Variants in SLC24A3 observed in about 807,000 individuals in gnomAD.
SLC24A3 encodes the protein solute carrier family 24 member 3.
A neutral mutation model predicts 75.8 loss-of-function variants in SLC24A3; 28 were observed. The observed-to-expected ratio is 0.37, with a 90% CI of 0.27 to 0.51. The LOEUF is 0.51. Ranked by LOEUF, SLC24A3 falls within the 20% of genes least tolerant of loss-of-function variation. SLC24A3 has a pLI of 0.94. For missense variants in SLC24A3, 663 were observed against 847.8 expected, an observed-to-expected ratio of 0.78 and a Z score of 2.71; for synonymous variants, 372 against 334.1, an observed-to-expected ratio of 1.11 and a Z score of -1.24.
intron 2 of SLC24A3, among the ~76,000 whole-genome samples, chr20:19,283,962 C>T (rs937819933): frequency 6.6e-6 from 1 of 152,194 alleles, no homozygotes; most frequent in Non-Finnish European, 1.5e-5. Context: ...GCAGGTAGCT[C>T]AGGTCTAAAC....
intron 2 of SLC24A3, among the ~76,000 whole-genome samples, chr20:19,497,372 C>A (rs1456565250): frequency 6.6e-6 from 1 of 152,166 alleles, no homozygotes. Flanking sequence ...CAGTGAGGAG[C>A]AGAATCCCAG....
intron 2 of SLC24A3, among the ~76,000 whole-genome samples, chr20:19,409,774 T>TA (rs983310733): frequency 6.6e-6 from 1 of 151,896 alleles, no homozygotes; most frequent in Non-Finnish European, 1.5e-5. Context: ...AAATTATACA[T>TA]AAAAAACTAT....
At chr20:19,379,987 C>G (rs1016306177) in intron 2 of SLC24A3, among the ~76,000 whole-genome samples, 5 of 152,166 alleles carry the variant, frequency 3.3e-5, no homozygotes, top group Non-Finnish European at 7.3e-5. Flanking sequence ...ATGGCAAATA[C>G]CCTACTTGGT....
chr20:19,503,147 C>T (rs6112422), intron 2 of SLC24A3, among the ~76,000 whole-genome samples: 1 of 151,944 alleles, frequency 6.6e-6, no homozygotes, highest in Non-Finnish European at 1.5e-5. Flanking sequence ...GCACAGTGCC[C>T]TTCCTAAGAT....
intron 1 of SLC24A3, among the ~76,000 whole-genome samples, chr20:19,263,371 A>AG (rs1983057611): frequency 6.6e-6 from 1 of 152,168 alleles, no homozygotes; most frequent in Non-Finnish European, 1.5e-5. Flanking sequence ...CTTGTTTTCA[A>AG]GGGGGGACGT....
intron 2 of SLC24A3, among the ~76,000 whole-genome samples, chr20:19,326,218 C>T (rs1600430920): frequency 1.3e-5 from 2 of 151,946 alleles, no homozygotes; most frequent in South Asian, 2.1e-4. Flanking sequence ...CCCCCATTAC[C>T]GAGATGTGGG....
chr20:19,678,018 TG>T lies in SLC24A3; in HGVS notation c.768-3834del, dbSNP rs369718518. Among the ~76,000 whole-genome samples the T allele has an allele frequency of 4.6e-4, 70 of 151,556 alleles. No homozygotes were observed. The East Asian group carries it at 6.6e-3, about 14-fold the overall frequency. On this transcript the variant is annotated intron_variant, in intron 9 of 16. Coordinates refer to ENST00000328041, the MANE Select transcript of SLC24A3 (RefSeq NM_020689.4). ...GCACATGTTTCAGAGAGCACAGGGT[TG>T]GGGGGTAAGGTCACAGATCAACAGG... is the stretch of plus-strand genomic sequence containing the variant.
At chr20:19,675,788 A>G (rs1568693606) in intron 9 of SLC24A3, among the ~76,000 whole-genome samples, 1 of 152,306 alleles carries the variant, frequency 6.6e-6, no homozygotes, top group East Asian at 1.9e-4. Context: ...CCAGCCCCCA[A>G]AGGAAAAGCC....
chr20:19,717,308 G>A (rs1227350129), intron 15 of SLC24A3, among the ~76,000 whole-genome samples: 1 of 152,214 alleles, frequency 6.6e-6, no homozygotes, highest in Admixed American at 6.5e-5. Flanking sequence ...GGATGGGACT[G>A]AGAGTGGACA....
At chr20:19,318,666 A>G (rs1984636989) in intron 2 of SLC24A3, among the ~76,000 whole-genome samples, 1 of 152,020 alleles carries the variant, frequency 6.6e-6, no homozygotes, top group Non-Finnish European at 1.5e-5. Flanking sequence ...CCACAGGTAG[A>G]AGGGTAGGTG....
At chr20:19,444,541 T>A (rs1221911087) in intron 2 of SLC24A3, among the ~76,000 whole-genome samples, 1 of 152,174 alleles carries the variant, frequency 6.6e-6, no homozygotes, top group Non-Finnish European at 1.5e-5. Flanking sequence ...TTCTCCTTAT[T>A]TGAATTTGGT....
In SLC24A3 at chr20:19,479,019, C is replaced by G. The variant is rs144230627; in HGVS notation, c.272-36469C>G. Among the ~76,000 whole-genome samples, 360 of 152,364 alleles carry G rather than the reference C, an allele frequency of 2.4e-3. 1 individual carries two copies. The highest frequency in any genetic ancestry group is 8.2e-3 in the African/African-American group (342 of 41,588). The stretch of plus-strand genomic sequence containing the variant: ...TTTCTCTTTCCTCCTCCACAGAAAG[C>G]TGCTCTGCTGTCCCTTAGCATGTAG... On this transcript the variant is annotated intron_variant, in intron 2 of 16. Coordinates refer to ENST00000328041, the MANE Select transcript of SLC24A3 (RefSeq NM_020689.4).
At chr20:19,678,987 C>T (rs1408962247) in intron 9 of SLC24A3, among the ~76,000 whole-genome samples, 3 of 151,588 alleles carry the variant, frequency 2.0e-5, no homozygotes, top group African/African-American at 7.3e-5. Context: ...GATGGGATGG[C>T]GGCCGGGCAG....
chr20:19,427,416 G>GGAAC, intron 2 of SLC24A3, among the ~76,000 whole-genome samples: 1 of 152,114 alleles, frequency 6.6e-6, no homozygotes, highest in African/African-American at 2.4e-5. Context: ...GAGGCATCTG[G>GGAAC]AGGCTGAAAA....
intron 2 of SLC24A3, among the ~76,000 whole-genome samples, chr20:19,465,875 C>T (rs994279126): frequency 6.6e-6 from 1 of 152,184 alleles, no homozygotes; most frequent in East Asian, 1.9e-4. Flanking sequence ...CAGGCCTCAT[C>T]CCAGGATAAT....
intron 2 of SLC24A3, among the ~76,000 whole-genome samples, chr20:19,483,889 C>T (rs550825074): frequency 2.0e-5 from 3 of 152,100 alleles, no homozygotes; most frequent in Non-Finnish European, 2.9e-5. Flanking sequence ...AAAGAGACTT[C>T]CAGGAACTGA....
At chr20:19,459,665 A>G (rs1987637602) in intron 2 of SLC24A3, among the ~76,000 whole-genome samples, 1 of 152,140 alleles carries the variant, frequency 6.6e-6, no homozygotes, top group African/African-American at 2.4e-5. Flanking sequence ...TATTTCATAA[A>G]TGGTCAATAA....
chr20:19,655,521 G>C (rs2122711476), intron 7 of SLC24A3, among the ~76,000 whole-genome samples: 1 of 152,286 alleles, frequency 6.6e-6, no homozygotes, highest in East Asian at 1.9e-4. Context: ...GCTAAGGTGT[G>C]CCCAGAGGGC....
intron 6 of SLC24A3, among the ~76,000 whole-genome samples, chr20:19,589,779 C>T (rs1363412473): frequency 1.3e-5 from 2 of 152,046 alleles, no homozygotes; most frequent in Non-Finnish European, 2.9e-5. Context: ...TGCGGAAATA[C>T]ACCCACTGAG....
Sources: allele counts gnomAD v4.1 joint callset (sites outside exome capture counted in the v4.1 genomes callset), GRCh38; gene constraint gnomAD v4.1.1; transcripts MANE v1.5; gene names NCBI Gene and HGNC (gene_info 2026-07-23, HGNC 2026-07-21).